The following SLC35F3 variants were observed in gnomAD, a reference collection of about 807,000 sequenced individuals.
The protein encoded by SLC35F3 is solute carrier family 35 member F3, also known as putative thiamine transporter SLC35F3.
In SLC35F3, 25 loss-of-function variants were observed where a neutral mutation model predicts 49.9. The ratio of observed to expected loss-of-function variants is 0.50; its 90% CI spans 0.37 to 0.70. SLC35F3 has a LOEUF of 0.70. Among genes scored for constraint, SLC35F3 ranks in the 30% least tolerant of loss-of-function variants. The pLI, the probability that SLC35F3 is intolerant of heterozygous loss-of-function variation, is 0.00. For missense variants in SLC35F3, 525 were observed against 639.8 expected (o/e 0.82, Z 1.94); for synonymous variants, 275 against 265.4 (o/e 1.04, Z -0.35).
At chr1:234,216,767 A>G (rs1005772476) in intron 2 of SLC35F3, among the ~76,000 whole-genome samples, 2 of 152,204 alleles carry the variant, frequency 1.3e-5, no homozygotes, top group African/African-American at 2.4e-5. Context: ...CAAACGTAAA[A>G]GAGAAGGAAC....
chr1:234,287,574 G>A (rs772018161), intron 3 of SLC35F3, among the ~76,000 whole-genome samples: 12 of 152,162 alleles, frequency 7.9e-5, no homozygotes, highest in Non-Finnish European at 1.5e-4. Flanking sequence ...ACACAAAGCA[G>A]TTCATTTCAT....
At chr1:234,309,048 G>A in intron 3 of SLC35F3, 53 bp from the exon 4 acceptor site, 3 of 1,432,124 alleles carry the variant, frequency 2.1e-6, no homozygotes, top group South Asian at 1.2e-5. Context: ...GGAAATAAAT[G>A]GTCTGTCTGA....
chr1:234,164,423 C>T (rs983616587), intron 2 of SLC35F3, among the ~76,000 whole-genome samples: 10 of 148,570 alleles, frequency 6.7e-5, no homozygotes, highest in Admixed American at 1.4e-4. Context: ...CTTTCTTTTT[C>T]CTCTCCCTCT....
chr1:234,307,287 T>G (rs1393905467), intron 3 of SLC35F3, among the ~76,000 whole-genome samples: 1 of 152,202 alleles, frequency 6.6e-6, no homozygotes, highest in Non-Finnish European at 1.5e-5. Context: ...AAGTGAATGT[T>G]TTACCTGGCC....
chr1:234,005,004 C>T (rs1017166196), intron 2 of SLC35F3, among the ~76,000 whole-genome samples: 1 of 151,830 alleles, frequency 6.6e-6, no homozygotes, highest in Non-Finnish European at 1.5e-5. Context: ...GAATCTTAAG[C>T]AGGAAATGAA....
At chr1:234,259,672 T>C (rs977178335) in intron 3 of SLC35F3, among the ~76,000 whole-genome samples, 6 of 151,442 alleles carry the variant, frequency 4.0e-5, no homozygotes, top group Admixed American at 3.3e-4. Flanking sequence ...AGACTCCATC[T>C]CAAATAATAA....
At chr1:234,126,549 C>G (rs1028616543) in intron 2 of SLC35F3, among the ~76,000 whole-genome samples, 1 of 150,916 alleles carries the variant, frequency 6.6e-6, no homozygotes, top group East Asian at 1.9e-4. Context: ...TCACTACAGT[C>G]AAGACCACAC....
At position 234,118,885 on chromosome 1, in the gene SLC35F3, C is replaced by CTT. The variant is rs60469123; in HGVS notation, c.284-112520_284-112519dup. Among the ~76,000 whole-genome samples the CTT allele has an allele frequency of 8.2e-4, 118 of 143,496 alleles. 1 individual carries two copies. Among genetic ancestry groups the CTT allele is most frequent in the East Asian group, 7.2e-3 (36 of 5,016 alleles). 94.1% of individuals were successfully genotyped at this position (143,496 alleles called of 152,430 possible). A position where few individuals can be genotyped will look rare whatever the true frequency, so the allele number is the denominator to read the frequency against. Reference sequence around the variant, plus strand: ...AATTATTTTTTTCTTTTTTTCTTTTCTTTTTTTTTTTTTACAAAACCTCTT... The same window carrying CTT: ...AATTATTTTTTTCTTTTTTTCTTTTCTTTTTTTTTTTTTTTACAAAACCTCTT... On this transcript the variant is annotated intron_variant, in intron 2 of 7. Transcript: ENST00000366618.
rs139340157 is a variant in SLC35F3, at chr1:234,280,722, G to A, written c.609-28379G>A. ...CTGGTGTGGTACTAAGCACATGTGC[G>A]TACTCTATCTCACTTCCACCGCACA... On this transcript the variant is annotated intron_variant, in intron 3 of 7. Transcript: ENST00000366618. Among the ~76,000 whole-genome samples, 217 of 152,280 alleles carry A rather than the reference G, an allele frequency of 1.4e-3. 4 individuals carry two copies. In the East Asian group the frequency reaches 0.014, roughly 10 times the overall value.
intron 3 of SLC35F3, among the ~76,000 whole-genome samples, chr1:234,286,284 G>A (rs1668418128): frequency 6.6e-6 from 1 of 151,820 alleles, no homozygotes; most frequent in South Asian, 2.1e-4. Context: ...GACAGCTATT[G>A]GCTACAACTG....
At chr1:233,959,835 C>T (rs1662764783) in intron 2 of SLC35F3, among the ~76,000 whole-genome samples, 1 of 152,162 alleles carries the variant, frequency 6.6e-6, no homozygotes, top group African/African-American at 2.4e-5. Context: ...TCTCAAAAAT[C>T]TCAATGTCTG....
At position 233,971,931 on chromosome 1, in the gene SLC35F3, C is replaced by T. The variant is rs145989808; in HGVS notation, c.283+66173C>T. Among the ~76,000 whole-genome samples the T allele has an allele frequency of 1.1e-3, 166 of 152,336 alleles. 2 individuals carry two copies. In the East Asian group the frequency reaches 0.027, roughly 25 times the overall value. On this transcript the variant is annotated intron_variant, in intron 2 of 7. Transcript: ENST00000366618. ...AGGGGAAGGGACATCCCCCGCTGCC[C>T]GAGAGCTCAGCCTACAGCGTGCTGG...
chr1:234,180,059 G>A (rs934353404), intron 2 of SLC35F3, among the ~76,000 whole-genome samples: 1 of 152,050 alleles, frequency 6.6e-6, no homozygotes, highest in Non-Finnish European at 1.5e-5. Flanking sequence ...GACATTTTTT[G>A]TAACCCACTG....
intron 2 of SLC35F3, among the ~76,000 whole-genome samples, chr1:234,117,533 A>G (rs954530430): frequency 4.0e-5 from 6 of 151,418 alleles, no homozygotes; most frequent in African/African-American, 1.2e-4. Context: ...TGGAGGTTGC[A>G]GTGAGCCGAG....
chr1:233,948,196 A>AGAGAGAGG (rs1161970025), intron 2 of SLC35F3, among the ~76,000 whole-genome samples: 10 of 95,128 alleles, frequency 1.1e-4, no homozygotes, highest in African/African-American at 1.7e-4. Context: ...GAGGGGAGAG[A>AGAGAGAGG]GAGAGAGGGA....
At chr1:233,962,610 T>C (rs1367631901) in intron 2 of SLC35F3, among the ~76,000 whole-genome samples, 1 of 152,252 alleles carries the variant, frequency 6.6e-6, no homozygotes, top group African/African-American at 2.4e-5. Context: ...GTGTTCGTAT[T>C]TTTATCCTGT....
intron 2 of SLC35F3, among the ~76,000 whole-genome samples, chr1:234,102,746 C>T (rs528054554): frequency 6.6e-6 from 1 of 152,288 alleles, no homozygotes; most frequent in African/African-American, 2.4e-5. Flanking sequence ...TAAACAAGCA[C>T]AAGAGTCTAG....
At chr1:234,163,361 A>G (rs1666259705) in intron 2 of SLC35F3, among the ~76,000 whole-genome samples, 1 of 152,164 alleles carries the variant, frequency 6.6e-6, no homozygotes, top group South Asian at 2.1e-4. Context: ...AAGTCATGTG[A>G]TAGGTGGCAC....
At chr1:234,105,391 T>C (rs4534455) in intron 2 of SLC35F3, among the ~76,000 whole-genome samples, 95,424 of 151,960 alleles carry the variant, frequency 0.63, 30,651 homozygotes, top group East Asian at 0.83. Context: ...GGGCTCTCCA[T>C]GTATCTGCTT....
Sources: allele counts gnomAD v4.1 joint callset (sites outside exome capture counted in the v4.1 genomes callset), GRCh38; gene constraint gnomAD v4.1.1; transcripts MANE v1.5; gene names NCBI Gene and HGNC (gene_info 2026-07-23, HGNC 2026-07-21).